ZDHHC19: variants seen among roughly 807,000 people sequenced by gnomAD.
ZDHHC19 encodes the protein palmitoyltransferase ZDHHC19.
Under a neutral mutation model 33.9 loss-of-function variants are expected in ZDHHC19, and 30 were observed. The ratio of observed to expected loss-of-function variants is 0.88; its 90% CI spans 0.66 to 1.20. The LOEUF (loss-of-function observed/expected upper bound fraction) is 1.20, where lower values mean the gene tolerates loss of function less well. Among genes scored for constraint, ZDHHC19 ranks in the 50% most tolerant of loss-of-function variants. ZDHHC19 has a pLI of 0.00. For missense variants in ZDHHC19, 364 were observed against 401.1 expected, an observed-to-expected ratio of 0.91 and a Z score of 0.79; for synonymous variants, 178 against 167.6, an observed-to-expected ratio of 1.06 and a Z score of -0.48.
chr3:196,198,411 G>A lies in ZDHHC19; in HGVS notation c.814C>T (p.Pro272Ser). 3.9e-6 allele frequency: 6 copies of A among 1,551,828 alleles called. No homozygotes were observed. Among genetic ancestry groups the A allele is most frequent in the Non-Finnish European group, 5.2e-6 (6 of 1,148,992 alleles). Reference sequence around the variant, plus strand: ...AGATTCGGCATGGATGTCCAGTCAGGCCCCACCACTCTCTGCAGCTGGACA... The same window carrying A: ...AGATTCGGCATGGATGTCCAGTCAGACCCCACCACTCTCTGCAGCTGGACA... ...EAVQLQRVVG[P>S]DWTSMPNLHP... Residue 272 changes from proline (P) to serine (S), a missense_variant, in exon 7 of 8, where the codon CCT becomes TCT. Transcript: ENST00000296326.
intron 1 of ZDHHC19, 146 bp downstream of exon 1, chr3:196,211,024 T>G (rs1723259362): frequency 5.1e-6 from 7 of 1,383,674 alleles, no homozygotes; most frequent in Non-Finnish European, 6.9e-6. Flanking sequence ...CTCTGCACCT[T>G]TGCACGTCGG....
At chr3:196,202,801 T>G (rs765625120) in intron 5 of ZDHHC19, among the ~76,000 whole-genome samples, 3 of 152,154 alleles carry the variant, frequency 2.0e-5, no homozygotes, top group Non-Finnish European at 2.9e-5. Flanking sequence ...CGGCTGAAGC[T>G]GCCGGGGAAG....
intron 7 of ZDHHC19, 114 bp downstream of exon 7, chr3:196,198,162 G>GGT: frequency 2.8e-6 from 3 of 1,064,318 alleles, no homozygotes; most frequent in South Asian, 6.3e-5. Flanking sequence ...CAAGCTCGGA[G>GGT]CGCTCCAGCT....
chr3:196,204,966 C>T (rs1490387769), intron 5 of ZDHHC19, among the ~76,000 whole-genome samples: 3 of 152,076 alleles, frequency 2.0e-5, no homozygotes, highest in Non-Finnish European at 2.9e-5. Context: ...ATTAGCCCGG[C>T]GTGGTGGCTC....
chr3:196,200,417 C>G (rs80113778), intron 5 of ZDHHC19, among the ~76,000 whole-genome samples: 22 of 141,808 alleles, frequency 1.6e-4, no homozygotes, highest in Middle Eastern at 4.2e-3. Context: ...TGCAGTGGCG[C>G]GATCTCAGCT....
chr3:196,200,272 C>T (rs1272956197), intron 5 of ZDHHC19, among the ~76,000 whole-genome samples: 1 of 148,436 alleles, frequency 6.7e-6, no homozygotes, highest in Non-Finnish European at 1.5e-5. Flanking sequence ...GGGACCCTGT[C>T]TCTAGAAAAA....
At chr3:196,208,140 C>G (rs149818636) in intron 4 of ZDHHC19, among the ~76,000 whole-genome samples, 11,746 of 151,758 alleles carry the variant, frequency 0.077, 520 homozygotes, top group Middle Eastern at 0.17. Flanking sequence ...CTGAAGCGAT[C>G]CTCCCGCCTC....
At chr3:196,200,239 C>A (rs66461853) in intron 5 of ZDHHC19, among the ~76,000 whole-genome samples, 28,728 of 150,384 alleles carry the variant, frequency 0.19, 4,551 homozygotes, top group African/African-American at 0.42. Flanking sequence ...TACGCCACTG[C>A]ACTCCAGCCT....
At chr3:196,200,925 C>T (rs1298687121) in intron 5 of ZDHHC19, among the ~76,000 whole-genome samples, 2 of 151,678 alleles carry the variant, frequency 1.3e-5, no homozygotes, top group East Asian at 1.9e-4. Context: ...GCTGGGATTA[C>T]AGGTGTGAGT....
chr3:196,208,722 G>T, intron 3 of ZDHHC19, 162 bp from the exon 4 acceptor site: 1 of 759,552 alleles, frequency 1.3e-6, no homozygotes. Context: ...AATGCCTCAT[G>T]CTGGCATTTC....
chr3:196,210,285 A>AAG (rs1553821803), intron 2 of ZDHHC19, among the ~76,000 whole-genome samples: 6 of 139,562 alleles, frequency 4.3e-5, no homozygotes, highest in East Asian at 2.2e-4. Flanking sequence ...AAAGAAAGAA[A>AAG]GAAGGAAGGA....
In ZDHHC19 at chr3:196,203,217, C is replaced by T. The variant is rs1722495251; in HGVS notation, c.687+4181G>A. Among the ~76,000 whole-genome samples the T allele has an allele frequency of 6.6e-6, 1 of 151,532 alleles. No individual in the cohort carries two copies. Among genetic ancestry groups the T allele is most frequent in the South Asian group, 2.1e-4 (1 of 4,792 alleles). On this transcript the variant is annotated intron_variant, in intron 5 of 7. Coordinates refer to ENST00000296326, the MANE Select transcript of ZDHHC19 (RefSeq NM_001039617.2). This position sits in a 1 kb window ranked among gnomAD's most constrained non-coding sequence, Gnocchi z 4.3. ...CCAAGATCACACCACTGCACTCCAG[C>T]CTGAGTGACAGAGAAATACTCTGTC... is the stretch of plus-strand genomic sequence containing the variant.
chr3:196,206,500 G>A (rs74491996), intron 5 of ZDHHC19, among the ~76,000 whole-genome samples: 35,092 of 151,450 alleles, frequency 0.23, 4,191 homozygotes, highest in East Asian at 0.36. Context: ...CTAAAGGCAC[G>A]TGCCACCGTG....
In ZDHHC19 at chr3:196,211,178, G is replaced by A. The variant is rs758420456; in HGVS notation, c.138C>T (p.Phe46=). ...TTGCCTGGAAAACTCACGGGAATGCGAAGAAGAGGCCACTGAAAAAGACCA... is the reference window on the plus strand; with the variant it reads ...TTGCCTGGAAAACTCACGGGAATGCAAAGAAGAGGCCACTGAAAAAGACCA... ...VLLVFFSGLF[F]AFPCRWLAQN... is the part of the protein sequence containing the mutation. Residue 46 remains phenylalanine (F), a synonymous_variant, in exon 1 of 8, where the codon TTC becomes TTT. Transcript: ENST00000296326. 11 of 1,614,134 alleles carry A rather than the reference G, an allele frequency of 6.8e-6. No individual in the cohort carries two copies. Among genetic ancestry groups the A allele is most frequent in the Admixed American group, 3.3e-5 (2 of 60,022 alleles).
At chr3:196,199,369 C>A in intron 5 of ZDHHC19, 1 of 160,298 alleles carries the variant, frequency 6.2e-6, no homozygotes, top group Non-Finnish European at 1.4e-5. Flanking sequence ...CCTTTGCTGT[C>A]ATGTTTTGTC....
intron 3 of ZDHHC19, 46 bp from the exon 4 acceptor site, chr3:196,208,606 C>G (rs1560140158): frequency 4.4e-6 from 7 of 1,592,946 alleles, no homozygotes; most frequent in Non-Finnish European, 4.3e-6. Context: ...TCTCCTCTGG[C>G]CCAAATTCCA....
At chr3:196,210,017 C>G (rs1723088035) in intron 2 of ZDHHC19, among the ~76,000 whole-genome samples, 1 of 151,852 alleles carries the variant, frequency 6.6e-6, no homozygotes, top group African/African-American at 2.4e-5. Context: ...TGGTGAAACC[C>G]CATCTCTACT....
intron 5 of ZDHHC19, among the ~76,000 whole-genome samples, chr3:196,204,976 C>T (rs1722624540): frequency 6.6e-6 from 1 of 152,068 alleles, no homozygotes; most frequent in Non-Finnish European, 1.5e-5. Flanking sequence ...CGTGGTGGCT[C>T]ACACCTGTTG....
At chr3:196,199,860 G>A (rs56850780) in intron 5 of ZDHHC19, among the ~76,000 whole-genome samples, 31 of 151,866 alleles carry the variant, frequency 2.0e-4, no homozygotes, top group African/African-American at 6.6e-4. Flanking sequence ...CAGAAGAATC[G>A]CTTGAACCCG....
Sources: allele counts gnomAD v4.1 joint callset (sites outside exome capture counted in the v4.1 genomes callset), GRCh38; gene constraint gnomAD v4.1.1; non-coding constraint Gnocchi (gnomAD v3.1); transcripts MANE v1.5; gene names NCBI Gene and HGNC (gene_info 2026-07-23, HGNC 2026-07-21).